Variants in ANO3 observed in about 807,000 individuals in gnomAD.
ANO3 encodes anoctamin 3, also known as anoctamin-3.
In ANO3, 99 loss-of-function variants were observed where a neutral mutation model predicts 144.8. The observed-to-expected ratio is 0.68, with a 90% confidence interval of 0.58 to 0.81. The LOEUF (loss-of-function observed/expected upper bound fraction) is 0.81, where lower values mean the gene tolerates loss of function less well. ANO3 is among the 30% of genes least tolerant of loss of function. The probability of loss-of-function intolerance (pLI) is 0.00; values close to 1 mark genes in which losing one functional copy is unlikely to be tolerated. For missense variants in ANO3, 905 were observed against 1,202.2 expected, an observed-to-expected ratio of 0.75 and a Z score of 3.66; for synonymous variants, 414 against 392.6, an observed-to-expected ratio of 1.05 and a Z score of -0.64.
intron 3 of ANO3, among the ~76,000 whole-genome samples, chr11:26,445,252 A>T (rs1688189242): frequency 6.6e-6 from 1 of 152,204 alleles, no homozygotes; most frequent in Non-Finnish European, 1.5e-5. Context: ...AATTTAAAAA[A>T]TAAGAACAAA....
At chr11:26,388,760 C>T (rs952925712) in intron 1 of ANO3, among the ~76,000 whole-genome samples, 3 of 152,074 alleles carry the variant, frequency 2.0e-5, no homozygotes, top group Non-Finnish European at 4.4e-5. Flanking sequence ...GGCTCAGTGT[C>T]CCCTCATTGT....
In ANO3 at chr11:26,344,952, AC is replaced by A. The variant is rs1257421213; in HGVS notation, c.46+12632del. Among the ~76,000 whole-genome samples the A allele has an allele frequency of 1.7e-4, 14 of 83,618 alleles. No individual in the cohort carries two copies. The South Asian group carries it at 3.0e-3, about 18-fold the overall frequency. The allele number at this position is 83,618 out of a possible 152,430, so 54.9% of individuals were successfully genotyped here. A position where few individuals can be genotyped will look rare whatever the true frequency, so the allele number is the denominator to read the frequency against. On this transcript the variant is annotated intron_variant, in intron 1 of 26. Coordinates refer to ENST00000256737, the MANE Select transcript of ANO3 (RefSeq NM_031418.4). ...TATTAATTCATGTTTTATAAAACTT[AC>A]TTTTACATGCTCTAAAGAAACACTA...
chr11:26,226,619 C>T (rs547263091), intron 1 of ANO3, among the ~76,000 whole-genome samples: 5 of 152,060 alleles, frequency 3.3e-5, no homozygotes, highest in African/African-American at 1.2e-4. Context: ...TGGGCATTTT[C>T]CTTGTTGCTA....
intron 1 of ANO3, among the ~76,000 whole-genome samples, chr11:26,293,639 C>CATTT (rs1031368072): frequency 4.9e-5 from 7 of 143,850 alleles, no homozygotes; most frequent in African/African-American, 1.8e-4. Context: ...ACGCAAAGAT[C>CATTT]ATTTTATGGA....
At chr11:26,372,347 T>C (rs1856285389) in intron 1 of ANO3, among the ~76,000 whole-genome samples, 1 of 152,216 alleles carries the variant, frequency 6.6e-6, no homozygotes, top group South Asian at 2.1e-4. Context: ...CAATTAAACC[T>C]CTTTGCTTTA....
intron 17 of ANO3, among the ~76,000 whole-genome samples, chr11:26,607,057 T>C (rs113835261): frequency 6.6e-6 from 1 of 151,934 alleles, no homozygotes; most frequent in Admixed American, 6.6e-5. Flanking sequence ...TGAAATTCCA[T>C]ATGATATTAT....
intron 23 of ANO3, among the ~76,000 whole-genome samples, chr11:26,645,211 A>G (rs894338365): frequency 1.2e-5 from 1 of 83,902 alleles, no homozygotes; most frequent in African/African-American, 3.5e-5. Flanking sequence ...TGTTGATAAA[A>G]TTGAGGTCCA....
intron 1 of ANO3, among the ~76,000 whole-genome samples, chr11:26,316,659 G>A (rs1854632734): frequency 6.6e-6 from 1 of 152,190 alleles, no homozygotes; most frequent in Non-Finnish European, 1.5e-5. Flanking sequence ...GCCGTGGCAA[G>A]GTAAGTGTGT....
intron 19 of ANO3, among the ~76,000 whole-genome samples, chr11:26,634,770 A>C (rs1038319476): frequency 6.6e-6 from 1 of 152,190 alleles, no homozygotes; most frequent in Non-Finnish European, 1.5e-5. Flanking sequence ...AAGACTCTCT[A>C]TGTGAGGGTC....
chr11:26,346,215 C>T (rs1441934540), intron 1 of ANO3, among the ~76,000 whole-genome samples: 1 of 152,146 alleles, frequency 6.6e-6, no homozygotes, highest in Non-Finnish European at 1.5e-5. Context: ...TGCTAGTACA[C>T]TGTGAGATAT....
At chr11:26,322,467 GCAGT>G (rs1854782938) in intron 1 of ANO3, among the ~76,000 whole-genome samples, 2 of 151,974 alleles carry the variant, frequency 1.3e-5, no homozygotes, top group East Asian at 3.9e-4. Context: ...TCCATTACAT[GCAGT>G]TGTCATGTCT....
chr11:26,530,217 G>A (rs1849328171), intron 7 of ANO3, among the ~76,000 whole-genome samples: 3 of 152,150 alleles, frequency 2.0e-5, no homozygotes, highest in Admixed American at 6.5e-5. Context: ...TTTATTTTAT[G>A]TGTGAGGAAA....
chr11:26,501,489 T>C (rs192807285), intron 4 of ANO3, among the ~76,000 whole-genome samples: 4 of 152,252 alleles, frequency 2.6e-5, no homozygotes, highest in East Asian at 1.9e-4. Flanking sequence ...CCATCCACAC[T>C]GGGAAAGAGT....
intron 3 of ANO3, among the ~76,000 whole-genome samples, chr11:26,446,339 C>T (rs1000151768): frequency 1.3e-5 from 2 of 152,176 alleles, no homozygotes; most frequent in African/African-American, 4.8e-5. Context: ...TACCAGGTTC[C>T]TGCATTGGGC....
At chr11:26,330,781 G>T (rs558815395), upstream of ANO3, among the ~76,000 whole-genome samples, 3 of 152,204 alleles carry the variant, frequency 2.0e-5, no homozygotes, top group African/African-American at 7.2e-5. Flanking sequence ...TCATTCTTTT[G>T]TATCATGCAC....
At chr11:26,325,490 T>G (rs1854861115) in intron 1 of ANO3, among the ~76,000 whole-genome samples, 1 of 152,212 alleles carries the variant, frequency 6.6e-6, no homozygotes, top group East Asian at 1.9e-4. Flanking sequence ...TTATTTAGAT[T>G]TACTTTAATG....
intron 3 of ANO3, among the ~76,000 whole-genome samples, chr11:26,452,974 A>C (rs1215310746): frequency 6.6e-6 from 1 of 152,208 alleles, no homozygotes; most frequent in African/African-American, 2.4e-5. Context: ...ATATCCAGCT[A>C]AACTAAGCTT....
intron 1 of ANO3, among the ~76,000 whole-genome samples, chr11:26,344,257 C>T (rs12803689): frequency 6.6e-6 from 1 of 151,906 alleles, no homozygotes; most frequent in Non-Finnish European, 1.5e-5. Context: ...ATTTTTTATG[C>T]ATCTTATAAT....
At chr11:26,338,857 C>T (rs1395898721) in intron 1 of ANO3, among the ~76,000 whole-genome samples, 1 of 152,090 alleles carries the variant, frequency 6.6e-6, no homozygotes, top group Non-Finnish European at 1.5e-5. Context: ...ACTCCCGACA[C>T]ACCATCTTTA....
Sources: allele counts gnomAD v4.1 joint callset (sites outside exome capture counted in the v4.1 genomes callset), GRCh38; gene constraint gnomAD v4.1.1; transcripts MANE v1.5; gene names NCBI Gene and HGNC (gene_info 2026-07-23, HGNC 2026-07-21).